The following SPEF2 variants were observed in gnomAD, a reference collection of about 807,000 sequenced individuals.
SPEF2 encodes sperm flagella and cilia-associated protein 2.
A neutral mutation model predicts 224.6 loss-of-function variants in SPEF2; 187 were observed. The observed-to-expected ratio is 0.83, with a 90% CI of 0.74 to 0.94. SPEF2 has a LOEUF of 0.94. SPEF2 is among the 40% of genes least tolerant of loss of function. The pLI is 0.00. For missense variants in SPEF2, 2,170 were observed against 2,135.6 expected (o/e 1.02, Z -0.32); for synonymous variants, 715 against 707.3 (o/e 1.01, Z -0.17).
intron 18 of SPEF2, among the ~76,000 whole-genome samples, chr5:35,707,928 AT>A (rs1430144578): frequency 2.0e-5 from 3 of 151,904 alleles, no homozygotes; most frequent in African/African-American, 4.8e-5. Context: ...ACTCTGTTCT[AT>A]TTTTTTTCCA....
intron 5 of SPEF2, among the ~76,000 whole-genome samples, chr5:35,647,735 C>T (rs1747597665): frequency 6.6e-6 from 1 of 152,130 alleles, no homozygotes; most frequent in Non-Finnish European, 1.5e-5. Flanking sequence ...CTACTATATG[C>T]TTTTACTCGA....
At chr5:35,661,861 A>G (rs758057305) in intron 8 of SPEF2, among the ~76,000 whole-genome samples, 1 of 152,120 alleles carries the variant, frequency 6.6e-6, no homozygotes, top group African/African-American at 2.4e-5. Context: ...TGTCTTTGCT[A>G]TTGTGAATAG....
intron 34 of SPEF2, among the ~76,000 whole-genome samples, chr5:35,804,682 A>T (rs978487372): frequency 4.6e-5 from 7 of 151,914 alleles, no homozygotes; most frequent in African/African-American, 1.7e-4. Flanking sequence ...TCACTCTGAC[A>T]TTTCAAATGT....
At chr5:35,799,853 C>T (rs528002299) in intron 33 of SPEF2, 115 bp from the exon 34 acceptor site, 92 of 1,083,430 alleles carry the variant, frequency 8.5e-5, no homozygotes, top group Non-Finnish European at 1.2e-4. Context: ...TTTACTAATT[C>T]AATCCTCAGA....
chr5:35,645,620 A>G (rs1580103704), intron 4 of SPEF2, among the ~76,000 whole-genome samples: 1 of 152,218 alleles, frequency 6.6e-6, no homozygotes, highest in East Asian at 1.9e-4. Flanking sequence ...GTAGTGTTTA[A>G]GTTGAGACCA....
intron 8 of SPEF2, among the ~76,000 whole-genome samples, chr5:35,662,605 T>C (rs958752663): frequency 1.3e-5 from 2 of 152,230 alleles, no homozygotes; most frequent in African/African-American, 2.4e-5. Flanking sequence ...AATTATTGTA[T>C]ATGGTGTAAG....
chr5:35,712,252 T>A (rs955138495), intron 19 of SPEF2, among the ~76,000 whole-genome samples: 3 of 151,678 alleles, frequency 2.0e-5, no homozygotes, highest in African/African-American at 7.3e-5. Flanking sequence ...ATTTTATTAT[T>A]TTATTTATTT....
chr5:35,793,589 A>G (rs1417769374), intron 32 of SPEF2, among the ~76,000 whole-genome samples: 1 of 152,234 alleles, frequency 6.6e-6, no homozygotes, highest in African/African-American at 2.4e-5. Context: ...AAGCAGTTAC[A>G]TAAACTTTAT....
chr5:35,667,057 T>G lies in SPEF2; in HGVS notation c.1168-15T>G, dbSNP rs753187527. 1 of 1,585,566 alleles carries G rather than the reference T, an allele frequency of 6.3e-7. No individual in the cohort carries two copies. ...TCAATTATAGTGACTTAAAAATATG[T>G]TTTTGCCTTTTTAGGCTTTGGCAAA... On this transcript the variant is annotated splice_polypyrimidine_tract_variant and intron_variant, in intron 8 of 36. Coordinates refer to ENST00000356031, the MANE Select transcript of SPEF2 (RefSeq NM_024867.4).
In SPEF2 at chr5:35,644,377, G is replaced by A. The variant is rs759394188; in HGVS notation, c.437G>A (p.Arg146His). 3.8e-5 allele frequency: 61 copies of A among 1,594,950 alleles called. No individual in the cohort carries two copies. The highest frequency in any genetic ancestry group is 1.7e-4 in the Middle Eastern group (1 of 6,002). ...TAGAGACTTAGACACATGATACCAC[G>A]TCAAACTGATTTCAATCTGATGCGG... ...FQERLRHMIP[R>H]QTDFNLMRIT... Residue 146 changes from arginine to histidine, a missense_variant, in exon 4 of 37, where the codon CGT becomes CAT. By Grantham distance (29) the Arg-to-His change is conservative (BLOSUM62 0). Transcript: ENST00000356031.
intron 29 of SPEF2, among the ~76,000 whole-genome samples, chr5:35,778,350 A>C (rs1299620125): frequency 6.6e-6 from 1 of 152,202 alleles, no homozygotes; most frequent in Admixed American, 6.5e-5. Flanking sequence ...GTTCACATTA[A>C]TAACCATAAG....
chr5:35,751,460 T>G (rs2149722516), intron 23 of SPEF2, among the ~76,000 whole-genome samples: 1 of 151,554 alleles, frequency 6.6e-6, no homozygotes, highest in South Asian at 2.1e-4. Context: ...CCCAATAACT[T>G]ATGGAAAAAT....
chr5:35,718,160 T>G (rs6451211), intron 20 of SPEF2, among the ~76,000 whole-genome samples: 112,764 of 152,064 alleles, frequency 0.74, 42,316 homozygotes, highest in Middle Eastern at 0.83. Flanking sequence ...AAACCCCAAC[T>G]GGTTAAAAAA....
At position 35,759,052 on chromosome 5, in the gene SPEF2, AC is replaced by A. The variant is rs1436850809; in HGVS notation, c.3469-515del. Among the ~76,000 whole-genome samples, 10 of 151,338 alleles carry A rather than the reference AC, an allele frequency of 6.6e-5. No individual in the cohort carries two copies. In the East Asian group the frequency reaches 1.9e-3, roughly 29 times the overall value. On this transcript the variant is annotated intron_variant, in intron 24 of 36. Transcript: ENST00000356031. ...AGTAAAGGAAAGAAAGAAAAAAAAA[AC>A]TTTATGTTGCCCTTTGTTGTTTCTC...
chr5:35,764,611 T>G, intron 26 of SPEF2: 1 of 456,182 alleles, frequency 2.2e-6, no homozygotes, highest in Non-Finnish European at 4.4e-6. Flanking sequence ...CCATGAAATA[T>G]CGCATTCAAA....
At chr5:35,769,989 A>ATATCTGTGTG (rs1554053681) in intron 26 of SPEF2, among the ~76,000 whole-genome samples, 1,703 of 142,296 alleles carry the variant, frequency 0.012, 24 homozygotes, top group African/African-American at 0.015. Context: ...TGCCTCCATA[A>ATATCTGTGTG]TGTGTGTGTG....
intron 8 of SPEF2, among the ~76,000 whole-genome samples, chr5:35,662,304 T>C (rs759327718): frequency 5.3e-5 from 8 of 152,202 alleles, no homozygotes; most frequent in Non-Finnish European, 1.2e-4. Flanking sequence ...TTTGTCTGAG[T>C]TTCTTATAGA....
chr5:35,618,115 C>A, intron 1 of SPEF2, 60 bp downstream of exon 1: 1 of 1,512,074 alleles, frequency 6.6e-7, no homozygotes, highest in East Asian at 2.5e-5. Flanking sequence ...GAGCCTGCAG[C>A]GCAGCGCAGC....
At chr5:35,692,821 C>A in intron 12 of SPEF2, 97 bp downstream of exon 12, 1 of 1,112,672 alleles carries the variant, frequency 9.0e-7, no homozygotes, top group Non-Finnish European at 1.3e-6. Flanking sequence ...GAAGTTTCTT[C>A]TGTACAGACC....
Sources: allele counts gnomAD v4.1 joint callset (sites outside exome capture counted in the v4.1 genomes callset), GRCh38; gene constraint gnomAD v4.1.1; transcripts MANE v1.5; gene names NCBI Gene and HGNC (gene_info 2026-07-23, HGNC 2026-07-21).